PTPRD: variants seen among roughly 807,000 people sequenced by gnomAD.
PTPRD encodes the protein protein tyrosine phosphatase receptor type D, also known as receptor-type tyrosine-protein phosphatase delta.
Under a neutral mutation model 214.5 loss-of-function variants are expected in PTPRD, and 34 were observed. The observed-to-expected ratio is 0.16, with a 90% CI of 0.12 to 0.21. PTPRD has a LOEUF of 0.21. Ranked by LOEUF, PTPRD falls within the 10% of genes least tolerant of loss-of-function variation. The probability of loss-of-function intolerance (pLI) is 1.00; values close to 1 mark genes in which losing one functional copy is unlikely to be tolerated. For synonymous variants in PTPRD, 1,128 were observed against 845.7 expected (o/e 1.33, Z -5.79); for missense variants, 2,545 against 2,398.7 (o/e 1.06, Z -1.27).
At chr9:8,772,690 T>C (rs2154486436) in intron 11 of PTPRD, among the ~76,000 whole-genome samples, 1 of 152,298 alleles carries the variant, frequency 6.6e-6, no homozygotes, top group African/African-American at 2.4e-5. Flanking sequence ...TTAATGTTCT[T>C]GTCTGCTAAC....
At chr9:9,235,613 A>T (rs4998420) in intron 9 of PTPRD, among the ~76,000 whole-genome samples, 22,788 of 152,038 alleles carry the variant, frequency 0.15, 1,848 homozygotes, top group Middle Eastern at 0.23. Context: ...GTGTCCAATA[A>T]GGGACACCTG....
At chr9:8,436,750 C>G in intron 34 of PTPRD, 61 bp from the exon 35 acceptor site, 1 of 1,290,812 alleles carries the variant, frequency 7.7e-7, no homozygotes. Flanking sequence ...GCTAACTATT[C>G]CAAAATATAG....
At chr9:10,335,519 T>C (rs1597385553) in intron 3 of PTPRD, among the ~76,000 whole-genome samples, 1 of 151,706 alleles carries the variant, frequency 6.6e-6, no homozygotes, top group African/African-American at 2.4e-5. Flanking sequence ...GAAGAAAATG[T>C]AGATGATCTT....
chr9:9,018,979 G>A (rs902884004), intron 10 of PTPRD, among the ~76,000 whole-genome samples: 21 of 152,138 alleles, frequency 1.4e-4, no homozygotes, highest in South Asian at 1.0e-3. Flanking sequence ...AAAAAGAAAT[G>A]ATAGTTTTAA....
rs557227529 is a variant in PTPRD at position 9,107,999 on chromosome 9, CT to C, written c.-143+75304del. Among the ~76,000 whole-genome samples, 10 of 152,230 alleles carry C rather than the reference CT, an allele frequency of 6.6e-5. No individual in the cohort carries two copies. In the South Asian group the frequency reaches 1.7e-3, roughly 25 times the overall value. ...TCCCTCAAAATTTTCATTAATATTG[CT>C]TTCTTCCTTTCTTCTAATGTTGCCA... is the stretch of plus-strand genomic sequence containing the variant. On this transcript the variant is annotated intron_variant, in intron 10 of 45. Coordinates refer to ENST00000381196, the MANE Select transcript of PTPRD (RefSeq NM_002839.4).
intron 12 of PTPRD, among the ~76,000 whole-genome samples, chr9:8,719,740 A>G (rs2098472305): frequency 6.6e-6 from 1 of 152,192 alleles, no homozygotes. Flanking sequence ...CTTTACAGAA[A>G]ACATTTGCTG....
At chr9:8,447,185 T>C (rs1211487052) in intron 34 of PTPRD, among the ~76,000 whole-genome samples, 1 of 152,234 alleles carries the variant, frequency 6.6e-6, no homozygotes, top group Non-Finnish European at 1.5e-5. Flanking sequence ...TTTCTCCTTT[T>C]CTAGTCTCCT....
At chr9:9,845,053 TAGAGCA>T (rs1565711136) in intron 5 of PTPRD, among the ~76,000 whole-genome samples, 1 of 56,732 alleles carries the variant, frequency 1.8e-5, no homozygotes, top group South Asian at 5.6e-4. Context: ...TAGCTATATA[TAGAGCA>T]ATATATATAT....
chr9:8,446,959 A>G (rs2095755630), intron 34 of PTPRD, among the ~76,000 whole-genome samples: 1 of 152,240 alleles, frequency 6.6e-6, no homozygotes, highest in Non-Finnish European at 1.5e-5. Context: ...ATGCAGGCTG[A>G]AGCAAATGGT....
At chr9:9,470,059 T>C (rs1307062605) in intron 8 of PTPRD, among the ~76,000 whole-genome samples, 1 of 152,180 alleles carries the variant, frequency 6.6e-6, no homozygotes, top group Non-Finnish European at 1.5e-5. Context: ...AGGAGGCTTT[T>C]ATCTCAAGTG....
At chr9:9,941,569 G>A (rs200232293) in intron 4 of PTPRD, among the ~76,000 whole-genome samples, 49 of 152,164 alleles carry the variant, frequency 3.2e-4, no homozygotes, top group African/African-American at 7.2e-4. Flanking sequence ...GTGATCCACC[G>A]GCCTCAGCCT....
chr9:9,358,470 C>G (rs1236089708), intron 9 of PTPRD, among the ~76,000 whole-genome samples: 1 of 151,094 alleles, frequency 6.6e-6, no homozygotes, highest in Non-Finnish European at 1.5e-5. Context: ...CTTGTTCATC[C>G]AGGAAGAATT....
At chr9:10,124,611 C>T (rs2098801388) in intron 3 of PTPRD, among the ~76,000 whole-genome samples, 1 of 152,088 alleles carries the variant, frequency 6.6e-6, no homozygotes, top group African/African-American at 2.4e-5. Context: ...TGCACTTTTT[C>T]TATACATTGT....
intron 11 of PTPRD, among the ~76,000 whole-genome samples, chr9:8,833,562 G>T (rs1020864012): frequency 1.3e-5 from 2 of 150,362 alleles, no homozygotes; most frequent in Non-Finnish European, 3.0e-5. Context: ...ACTTGTTAGG[G>T]CTGGATCTAT....
At chr9:9,128,703 G>A (rs2099837933) in intron 10 of PTPRD, among the ~76,000 whole-genome samples, 1 of 152,210 alleles carries the variant, frequency 6.6e-6, no homozygotes, top group African/African-American at 2.4e-5. Flanking sequence ...ATATTTTGGA[G>A]AACTCAGTAT....
chr9:8,823,693 G>A (rs2097120955), intron 11 of PTPRD, among the ~76,000 whole-genome samples: 1 of 151,902 alleles, frequency 6.6e-6, no homozygotes, highest in African/African-American at 2.4e-5. Flanking sequence ...GAAAGGAAAG[G>A]GAAAGGAAAG....
At chr9:9,429,499 T>C (rs1459474038) in intron 8 of PTPRD, among the ~76,000 whole-genome samples, 2 of 152,172 alleles carry the variant, frequency 1.3e-5, no homozygotes, top group African/African-American at 2.4e-5. Flanking sequence ...CCATTACTTA[T>C]GAAACTATTC....
At chr9:10,268,401 T>C (rs566468154) in intron 3 of PTPRD, among the ~76,000 whole-genome samples, 40 of 151,892 alleles carry the variant, frequency 2.6e-4, no homozygotes, top group Non-Finnish European at 4.9e-4. Context: ...TTTGTAACTA[T>C]GTATTATACT....
chr9:9,701,890 G>A (rs951900875), intron 7 of PTPRD, among the ~76,000 whole-genome samples: 6 of 152,076 alleles, frequency 3.9e-5, no homozygotes, highest in Non-Finnish European at 7.4e-5. Context: ...AGGCCGAGGC[G>A]GGTGGACCAC....
Sources: gnomAD v4.1 joint callset for allele counts (sites outside exome capture counted in the v4.1 genomes callset) on GRCh38, gnomAD v4.1.1 for gene constraint, MANE v1.5 for transcripts, NCBI Gene and HGNC (gene_info 2026-07-23, HGNC 2026-07-21) for gene names.